Variants in TAAR1 observed in about 807,000 individuals in gnomAD.
TAAR1 encodes the protein trace amine associated receptor 1, also known as trace amine-associated receptor 1.
TAAR1 carries 1 observed loss-of-function variant against 1.2 expected under a neutral mutation model. That is an observed-to-expected ratio of 0.81 (90% CI 0.29 to 3.86). The LOEUF is 3.86. Ranked by LOEUF, TAAR1 falls within the 30% of genes most tolerant of loss-of-function variation. The pLI, the probability that TAAR1 is intolerant of heterozygous loss-of-function variation, is 0.18. For synonymous variants in TAAR1, 153 were observed against 132.2 expected, an observed-to-expected ratio of 1.16 and a Z score of -1.08; for missense variants, 445 against 405.6, an observed-to-expected ratio of 1.10 and a Z score of -0.83.
intron 1 of TAAR1, among the ~76,000 whole-genome samples, chr6:132,647,673 AAAGAAAG>A (rs1582751323): frequency 1.1e-4 from 16 of 148,006 alleles, no homozygotes; most frequent in Non-Finnish European, 3.0e-5. Context: ...AGAAAGAAAG[AAAGAAAG>A]AAGAAAGAAA....
At chr6:132,651,206 G>A (rs181222899) in intron 1 of TAAR1, among the ~76,000 whole-genome samples, 227 of 152,198 alleles carry the variant, frequency 1.5e-3, no homozygotes, top group African/African-American at 5.3e-3. Flanking sequence ...TGGCTGTTAC[G>A]GTTCTTCTTC....
rs577916340 is a variant in TAAR1 at position 132,658,837 on chromosome 6, A to G, written c.-127+293T>C. Among the ~76,000 whole-genome samples, 7 of 152,342 alleles carry G rather than the reference A, an allele frequency of 4.6e-5. No individual in the cohort carries two copies. The South Asian group carries it at 1.5e-3, about 32-fold the overall frequency. ...TTTCAAATGTCCTAGCTTTCCATAA[A>G]TGAATTTTTAATAAAAGAGAAACAA... On this transcript the variant is annotated intron_variant, in intron 1 of 1. Coordinates refer to ENST00000275216, the MANE Select transcript of TAAR1 (RefSeq NM_138327.4).
In TAAR1 at chr6:132,644,905, G is replaced by A. The variant is rs1451744339; in HGVS notation, c.*79C>T. 3 of 1,186,096 alleles carry A rather than the reference G, an allele frequency of 2.5e-6. No homozygotes were observed. Among genetic ancestry groups the A allele is most frequent in the Non-Finnish European group, 3.4e-6 (3 of 870,668 alleles). The allele number at this position is 1,186,096 out of a possible 1,614,324, so 73.5% of individuals were successfully genotyped here. A position where few individuals can be genotyped will look rare whatever the true frequency, so the allele number is the denominator to read the frequency against. ...ACTGATTTAAAAAAAAATCCATGTGGTTGGTGCATGTGGTTCGTTATGTTG... is the reference window on the plus strand; with the variant it reads ...ACTGATTTAAAAAAAAATCCATGTGATTGGTGCATGTGGTTCGTTATGTTG... On this transcript the variant is annotated 3_prime_UTR_variant, in exon 2 of 2. Transcript: ENST00000275216.
At chr6:132,647,636 G>A (rs1056204413) in intron 1 of TAAR1, among the ~76,000 whole-genome samples, 1 of 104,468 alleles carries the variant, frequency 9.6e-6, no homozygotes, top group African/African-American at 5.4e-5. Context: ...AAGAAAGAAA[G>A]AAAGAAAGAA....
At chr6:132,656,463 T>C (rs1246263187) in intron 1 of TAAR1, among the ~76,000 whole-genome samples, 1 of 151,790 alleles carries the variant, frequency 6.6e-6, no homozygotes, top group Non-Finnish European at 1.5e-5. Flanking sequence ...TATATAGAAG[T>C]AGGATGTCAG....
rs2114268401 is a variant in TAAR1 at position 132,644,528 on chromosome 6, T to C, written c.*456A>G. On this transcript the variant is annotated 3_prime_UTR_variant, in exon 2 of 2. Transcript: ENST00000275216. ...TACAAATAAATTATGTGTCAACAAT[T>C]ATTTAGCGGTAACATTTAATGTGTG... is the stretch of plus-strand genomic sequence containing the variant. 6.6e-6 allele frequency among the ~76,000 whole-genome samples: 1 copy of C among 152,202 alleles called. No homozygotes were observed. Among genetic ancestry groups the C allele is most frequent in the South Asian group, 2.1e-4 (1 of 4,828 alleles).
Position 132,645,803 on chromosome 6 carries a change from A to T in TAAR1, c.201T>A (p.Thr67=). 6.2e-7 allele frequency: 1 copy of T among 1,613,826 alleles called. No homozygotes were observed. Among genetic ancestry groups the T allele is most frequent in the Non-Finnish European group, 8.5e-7 (1 of 1,179,824 alleles). ...CCAGACACCCCAGAAGAAAGTCCAC[A>T]GTGGCCATGGAATGAATGAGCCAAT... is the stretch of plus-strand genomic sequence containing the variant. ...PTNWLIHSMA[T]VDFLLGCLVM... is the part of the protein sequence containing the mutation. Residue 67 remains threonine, a synonymous_variant, in exon 2 of 2, where the codon ACT becomes ACA. Transcript: ENST00000275216.
chr6:132,650,047 A>G (rs1309589141), intron 1 of TAAR1, among the ~76,000 whole-genome samples: 1 of 152,192 alleles, frequency 6.6e-6, no homozygotes, highest in East Asian at 1.9e-4. Context: ...TAACAATCAT[A>G]GACTCGCCTC....
chr6:132,643,631 A>G lies in TAAR1; in HGVS notation c.*1353T>C, dbSNP rs1314912697. On this transcript the variant is annotated 3_prime_UTR_variant, in exon 2 of 2. Coordinates refer to ENST00000275216, the MANE Select transcript of TAAR1 (RefSeq NM_138327.4). ...AATTTATACGCAGCAGTGTGCATTT[A>G]GTTACGTTTAAAATCATTTGCCTTA... Among the ~76,000 whole-genome samples, 2 of 151,968 alleles carry G rather than the reference A, an allele frequency of 1.3e-5. No individual in the cohort carries two copies. Among genetic ancestry groups the G allele is most frequent in the Non-Finnish European group, 2.9e-5 (2 of 67,914 alleles).
At chr6:132,646,581 C>G (rs560294715) in intron 1 of TAAR1, among the ~76,000 whole-genome samples, 14 of 152,088 alleles carry the variant, frequency 9.2e-5, no homozygotes, top group African/African-American at 3.4e-4. Flanking sequence ...CCCACTTCTG[C>G]ACTTGGTCAT....
At chr6:132,657,200 T>G (rs9402442) in intron 1 of TAAR1, among the ~76,000 whole-genome samples, 35,414 of 152,020 alleles carry the variant, frequency 0.23, 4,790 homozygotes, top group East Asian at 0.44. Context: ...GCTGGCAAGT[T>G]AAACTTCTTG....
In TAAR1 at chr6:132,643,628, T is replaced by TTTA; in HGVS notation, c.*1353_*1355dup. ...AGAAATTTATACGCAGCAGTGTGCA[T>TTTA]TTAGTTACGTTTAAAATCATTTGCC... On this transcript the variant is annotated 3_prime_UTR_variant, in exon 2 of 2. Coordinates refer to ENST00000275216, the MANE Select transcript of TAAR1 (RefSeq NM_138327.4). 6.6e-6 allele frequency among the ~76,000 whole-genome samples: 1 copy of TTTA among 152,048 alleles called. No homozygotes were observed. Among genetic ancestry groups the TTTA allele is most frequent in the Admixed American group, 6.6e-5 (1 of 15,232 alleles).
Position 132,645,733 on chromosome 6 carries a change from A to C in TAAR1, c.271T>G (p.Phe91Val), listed in dbSNP as rs1385781277. The change falls in exon 2 of 2, where the codon TTT (phenylalanine) becomes GTT (valine). Residue 91 changes from phenylalanine to valine, a missense_variant. Transcript: ENST00000275216. ...TGAATTTTACAGAAGACTTCTCCAA[A>C]ATACCAACAGTGCTCAGCAGATCTC... is the stretch of plus-strand genomic sequence containing the variant. Reference protein sequence around the residue: ...MVRSAEHCWYFGEVFCKIHTS... With the variant: ...MVRSAEHCWYVGEVFCKIHTS... The C allele has an allele frequency of 1.2e-6, 2 of 1,613,634 alleles. No individual in the cohort carries two copies. Among genetic ancestry groups the C allele is most frequent in the East Asian group, 4.5e-5 (2 of 44,864 alleles).
At chr6:132,652,095 C>T (rs1162130394) in intron 1 of TAAR1, among the ~76,000 whole-genome samples, 1 of 152,096 alleles carries the variant, frequency 6.6e-6, no homozygotes, top group Non-Finnish European at 1.5e-5. Flanking sequence ...TGAGTTATTA[C>T]TGCTATTTTT....
At chr6:132,648,078 A>G (rs1777707600) in intron 1 of TAAR1, among the ~76,000 whole-genome samples, 1 of 152,168 alleles carries the variant, frequency 6.6e-6, no homozygotes, top group Admixed American at 6.6e-5. Flanking sequence ...AAACTAAGCA[A>G]TATTTGAATT....
intron 1 of TAAR1, among the ~76,000 whole-genome samples, chr6:132,654,160 G>T (rs57590341): frequency 0.059 from 9,049 of 152,260 alleles, 305 homozygotes; most frequent in East Asian, 0.11. Context: ...TTAAATGGAA[G>T]AATAGTTGTT....
intron 1 of TAAR1, among the ~76,000 whole-genome samples, chr6:132,653,458 G>A (rs1183900335): frequency 6.6e-6 from 1 of 152,184 alleles, no homozygotes; most frequent in East Asian, 1.9e-4. Context: ...TTGGGTTTTT[G>A]TGTGTGTTAT....
chr6:132,655,052 A>C (rs1777789379), intron 1 of TAAR1, among the ~76,000 whole-genome samples: 1 of 152,188 alleles, frequency 6.6e-6, no homozygotes, highest in Admixed American at 6.6e-5. Flanking sequence ...CCCTGATATG[A>C]GCTAACAATG....
In TAAR1 at chr6:132,643,504, A is replaced by G. The variant is rs994181070; in HGVS notation, c.*1480T>C. Among the ~76,000 whole-genome samples, 8 of 152,020 alleles carry G rather than the reference A, an allele frequency of 5.3e-5. No individual in the cohort carries two copies. Among genetic ancestry groups the G allele is most frequent in the African/African-American group, 1.9e-4 (8 of 41,438 alleles). Reference sequence around the variant, plus strand: ...TGTTTTTAAAAGTACTAGAGCAAAAATTGATACAGATCATTGAAACAAAAT... The same window carrying G: ...TGTTTTTAAAAGTACTAGAGCAAAAGTTGATACAGATCATTGAAACAAAAT... On this transcript the variant is annotated 3_prime_UTR_variant, in exon 2 of 2. Transcript: ENST00000275216.
Sources: allele counts gnomAD v4.1 joint callset (sites outside exome capture counted in the v4.1 genomes callset), GRCh38; gene constraint gnomAD v4.1.1; transcripts MANE v1.5; gene names NCBI Gene and HGNC (gene_info 2026-07-23, HGNC 2026-07-21).